Variants in BRDT observed in about 807,000 individuals in gnomAD.
The protein encoded by BRDT is bromodomain testis associated.
Under a neutral mutation model 113.9 loss-of-function variants are expected in BRDT, and 77 were observed. The observed-to-expected ratio is 0.68, with a 90% CI of 0.56 to 0.82. The LOEUF (loss-of-function observed/expected upper bound fraction) is 0.82, where lower values mean the gene tolerates loss of function less well. BRDT is among the 40% of genes least tolerant of loss of function. BRDT has a pLI of 0.00. For missense variants in BRDT, 1,027 were observed against 1,105.4 expected, an observed-to-expected ratio of 0.93 and a Z score of 1.01; for synonymous variants, 358 against 366.5, an observed-to-expected ratio of 0.98 and a Z score of 0.26.
chr1:91,954,271 ATTTTTTT>A (rs34674557), intron 1 of BRDT, among the ~76,000 whole-genome samples: 1 of 79,764 alleles, frequency 1.3e-5, no homozygotes. Context: ...GGTGCTCGGC[ATTTTTTT>A]TTTTTTTTTT....
intron 15 of BRDT, among the ~76,000 whole-genome samples, chr1:91,999,848 TAAAAACTGAATTCCCC>T (rs1177733558): frequency 1.3e-5 from 2 of 152,236 alleles, no homozygotes; most frequent in Non-Finnish European, 2.9e-5. Context: ...CACAGCCATG[TAAAAACTGAATTCCCC>T]CTTTTAGTCC....
intron 1 of BRDT, among the ~76,000 whole-genome samples, chr1:91,955,866 A>T (rs1681710065): frequency 6.6e-6 from 1 of 152,216 alleles, no homozygotes; most frequent in African/African-American, 2.4e-5. Flanking sequence ...AGTGACAATG[A>T]TATCAGAATT....
At chr1:91,994,793 A>G (rs6682535) in intron 15 of BRDT, among the ~76,000 whole-genome samples, 109,654 of 140,482 alleles carry the variant, frequency 0.78, 43,589 homozygotes, top group Non-Finnish European at 0.85. Flanking sequence ...GCGTGAACCC[A>G]GGAGGCGGAG....
At chr1:91,951,053 G>A (rs1681020705) in intron 1 of BRDT, among the ~76,000 whole-genome samples, 1 of 151,530 alleles carries the variant, frequency 6.6e-6, no homozygotes, top group Non-Finnish European at 1.5e-5. Context: ...TGGTCCTGCT[G>A]TGTTGCCCAG....
chr1:92,010,418 G>A (rs1053527482), intron 18 of BRDT, among the ~76,000 whole-genome samples: 4 of 151,592 alleles, frequency 2.6e-5, no homozygotes, highest in African/African-American at 9.7e-5. Context: ...AGGACTGCAG[G>A]CACGTGCCAC....
At position 91,980,720 on chromosome 1, in the gene BRDT, TA is replaced by T; in HGVS notation, c.1370del (p.Lys457ArgfsTer22). 1 of 1,607,020 alleles carries T rather than the reference TA, an allele frequency of 6.2e-7. No individual in the cohort carries two copies. The highest frequency in any genetic ancestry group is 8.5e-7 in the Non-Finnish European group (1 of 1,178,550). ...AGCTAAATAAAAAGAAAGAGAAGTC[TA>T]AAAAGGAAAAGAAAAAAGAAAAGGT... ...RKLNKKKEKS[K>X]KEKKKEKVNN... On this transcript the variant is annotated frameshift_variant, in exon 9 of 19. Coordinates refer to ENST00000399546, the MANE Select transcript of BRDT (RefSeq NM_207189.4). LOFTEE classifies it high-confidence loss of function.
At chr1:91,967,103 A>G (rs1022595440) in intron 3 of BRDT, among the ~76,000 whole-genome samples, 7 of 152,208 alleles carry the variant, frequency 4.6e-5, no homozygotes, top group African/African-American at 1.7e-4. Flanking sequence ...AGAAAAAAAT[A>G]TTAAAAAATT....
chr1:91,980,809 A>G lies in BRDT; in HGVS notation c.1454A>G (p.Lys485Arg), dbSNP rs1406702791. 6.3e-7 allele frequency: 1 copy of G among 1,592,290 alleles called. No homozygotes were observed. Among genetic ancestry groups the G allele is most frequent in the Non-Finnish European group, 8.5e-7 (1 of 1,174,746 alleles). The change falls in exon 9 of 19, where the codon AAG becomes AGG. Residue 485 changes from lysine (K) to arginine (R), a missense_variant. Physicochemically the swap from Lys to Arg is conservative, Grantham distance 26. Coordinates refer to ENST00000399546, the MANE Select transcript of BRDT (RefSeq NM_207189.4). Reference sequence around the variant, plus strand: ...CAAATGAGGCTAAAGGAAAAGTCCAAGAGAAAGTAAGTATCTTTTATTATG... The same window carrying G: ...CAAATGAGGCTAAAGGAAAAGTCCAGGAGAAAGTAAGTATCTTTTATTATG... ...CEQMRLKEKS[K>R]RNQPKKRKQQ...
Position 92,011,639 on chromosome 1 carries a change from C to T in BRDT, c.2776-2567C>T, listed in dbSNP as rs572300490. 2.6e-5 allele frequency among the ~76,000 whole-genome samples: 4 copies of T among 152,232 alleles called. No homozygotes were observed. In the East Asian group the frequency reaches 5.8e-4, roughly 22 times the overall value. On this transcript the variant is annotated intron_variant, in intron 18 of 18. Coordinates refer to ENST00000399546, the MANE Select transcript of BRDT (RefSeq NM_207189.4). ...AAGTGATTTCACTGCACCCTAGTTG[C>T]GGCCCAACAACACAACTAGGTAACC...
chr1:92,005,203 G>C lies in BRDT; in HGVS notation c.2679G>C (p.Gln893His), dbSNP rs765121533. 6.3e-7 allele frequency: 1 copy of C among 1,589,238 alleles called. No individual in the cohort carries two copies. Among genetic ancestry groups the C allele is most frequent in the Admixed American group, 1.8e-5 (1 of 55,418 alleles). The change falls in exon 18 of 19, where the codon CAG becomes CAC. Residue 893 changes from glutamine to histidine, a missense_variant. Coordinates refer to ENST00000399546, the MANE Select transcript of BRDT (RefSeq NM_207189.4). ...KCSGEEQKEHQQSSEAQDKSK... is the reference protein window; with the variant it reads ...KCSGEEQKEHHQSSEAQDKSK... ...CTGGAGAAGAGCAGAAAGAACATCA[G>C]CAGTCATCAGAAGCTCAAGATAAAT...
intron 12 of BRDT, among the ~76,000 whole-genome samples, chr1:91,986,309 T>C (rs1247355985): frequency 6.6e-6 from 1 of 152,116 alleles, no homozygotes; most frequent in Non-Finnish European, 1.5e-5. Context: ...ATCCTGTGAC[T>C]AATGATACTG....
chr1:92,006,595 T>G (rs1687329189), intron 18 of BRDT, among the ~76,000 whole-genome samples: 1 of 151,838 alleles, frequency 6.6e-6, no homozygotes, highest in Non-Finnish European at 1.5e-5. Context: ...GCGTCCCCAG[T>G]AGCTGGGATT....
At chr1:91,962,534 A>G (rs778698567) in intron 1 of BRDT, among the ~76,000 whole-genome samples, 184 bp from the exon 2 acceptor site, 8 of 152,036 alleles carry the variant, frequency 5.3e-5, no homozygotes, top group South Asian at 2.1e-4. Flanking sequence ...GGGTTTCACT[A>G]CATTGGTCAG....
chr1:91,961,836 G>A (rs1047144059), intron 1 of BRDT, among the ~76,000 whole-genome samples: 4 of 151,974 alleles, frequency 2.6e-5, no homozygotes, highest in Admixed American at 6.6e-5. Context: ...TGAAAGACAG[G>A]AAGACTGAGA....
chr1:91,973,069 A>T (rs972845463), intron 4 of BRDT, among the ~76,000 whole-genome samples: 1 of 152,162 alleles, frequency 6.6e-6, no homozygotes, highest in Non-Finnish European at 1.5e-5. Flanking sequence ...GCCTGAAGGA[A>T]ATGTTGGAAT....
At chr1:91,988,292 C>T (rs1685449755) in intron 12 of BRDT, among the ~76,000 whole-genome samples, 1 of 152,120 alleles carries the variant, frequency 6.6e-6, no homozygotes, top group Admixed American at 6.5e-5. Context: ...ATATATTATC[C>T]ACTTTGATCC....
At chr1:91,956,318 C>T (rs959952777) in intron 1 of BRDT, among the ~76,000 whole-genome samples, 4 of 128,750 alleles carry the variant, frequency 3.1e-5, no homozygotes, top group African/African-American at 1.2e-4. Context: ...CCCCCCCCCA[C>T]CCCCTGCCTG....
chr1:92,001,153 A>G (rs1400972989), intron 15 of BRDT, among the ~76,000 whole-genome samples: 2 of 152,052 alleles, frequency 1.3e-5, no homozygotes, highest in Non-Finnish European at 2.9e-5. Context: ...CTCTTCCTAA[A>G]TGAGTTACTG....
intron 3 of BRDT, among the ~76,000 whole-genome samples, chr1:91,965,612 G>T (rs1682977977): frequency 6.6e-6 from 1 of 152,140 alleles, no homozygotes; most frequent in South Asian, 2.1e-4. Context: ...CACTTTGGGA[G>T]GCTGAGGCGG....
Sources: gnomAD v4.1 joint callset for allele counts (sites outside exome capture counted in the v4.1 genomes callset) on GRCh38, gnomAD v4.1.1 for gene constraint, MANE v1.5 for transcripts, NCBI Gene and HGNC (gene_info 2026-07-23, HGNC 2026-07-21) for gene names.